Variants in RRN3 observed in about 807,000 individuals in gnomAD.
RRN3 encodes RNA polymerase I transcription factor RRN3.
In RRN3, 38 loss-of-function variants were observed where a neutral mutation model predicts 82.3. The observed-to-expected ratio is 0.46, with a 90% CI of 0.36 to 0.61. The LOEUF (loss-of-function observed/expected upper bound fraction) is 0.61. Ranked by LOEUF, RRN3 falls within the 20% of genes least tolerant of loss-of-function variation. The probability of loss-of-function intolerance (pLI) is 0.00; values close to 1 mark genes in which losing one functional copy is unlikely to be tolerated. For synonymous variants in RRN3, 284 were observed against 284.3 expected, an observed-to-expected ratio of 1.00 and a Z score of 0.01; for missense variants, 726 against 793.1, an observed-to-expected ratio of 0.92 and a Z score of 1.02.
chr16:15,091,233 G>C, intron 3 of RRN3, 82 bp downstream of exon 3: 1 of 1,551,834 alleles, frequency 6.4e-7, no homozygotes, highest in Non-Finnish European at 8.8e-7. Flanking sequence ...AGTTCTGGAG[G>C]ACAGAATGGG....
rs573549874 is a variant in RRN3 at position 15,061,471 on chromosome 16, A to G, written c.*273T>C. 2.6e-6 allele frequency: 1 copy of G among 378,990 alleles called. No homozygotes were observed. The highest frequency in any genetic ancestry group is 3.8e-5 in the East Asian group (1 of 26,076). The allele number at this position is 378,990 out of a possible 1,614,324, so 23.5% of individuals were successfully genotyped here. ...AAAGCTGTTAACACAAAAAATGTAC[A>G]TATTAAACAAGCAAATCCTTCCAAA... is the stretch of plus-strand genomic sequence containing the variant. On this transcript the variant is annotated 3_prime_UTR_variant, in exon 18 of 18. Coordinates refer to ENST00000198767, the MANE Select transcript of RRN3 (RefSeq NM_018427.5).
At position 15,094,060 on chromosome 16, in the gene RRN3, G is replaced by A. The variant is rs1196847455; in HGVS notation, c.89+85C>T. 7 of 1,238,508 alleles carry A rather than the reference G, an allele frequency of 5.7e-6. No homozygotes were observed. In the Admixed American group the frequency reaches 6.0e-5, roughly 11 times the overall value. 76.7% of individuals were successfully genotyped at this position (1,238,508 alleles called of 1,614,324 possible). On this transcript the variant is annotated intron_variant, in intron 1 of 17. Coordinates refer to ENST00000198767, the MANE Select transcript of RRN3 (RefSeq NM_018427.5). ...GCTCCTATCACACGCCATGAGCTTT[G>A]TCCCACATCCTTTCAATCCGCTCCT...
rs546194787 is a variant in RRN3, at chr16:15,094,254, G to C, written c.-21C>G. 3.9e-5 allele frequency: 61 copies of C among 1,547,064 alleles called. No homozygotes were observed. In the East Asian group the frequency reaches 1.5e-3, roughly 37 times the overall value. The stretch of plus-strand genomic sequence containing the variant: ...GCCATTGGGCCGAACTAACGCGACC[G>C]CTGCGCCTCAGGCCGGATGCCCAGC... On this transcript the variant is annotated 5_prime_UTR_variant, in exon 1 of 18. Transcript: ENST00000198767.
At chr16:15,076,697 C>A (rs1362968912) in intron 9 of RRN3, 47 bp from the exon 10 acceptor site, 1 of 1,334,276 alleles carries the variant, frequency 7.5e-7, no homozygotes, top group Non-Finnish European at 1.1e-6. Flanking sequence ...TTAAAAAATA[C>A]AACTATGTTA....
intron 5 of RRN3, 113 bp downstream of exon 5, chr16:15,086,016 T>A (rs113437125): frequency 1.4e-6 from 1 of 740,258 alleles, no homozygotes; most frequent in Non-Finnish European, 2.2e-6. Flanking sequence ...CCAGACCTGG[T>A]GCCAATATGC....
chr16:15,066,989 C>T (rs1430958286), intron 15 of RRN3, among the ~76,000 whole-genome samples: 1 of 151,368 alleles, frequency 6.6e-6, no homozygotes, highest in African/African-American at 2.4e-5. Flanking sequence ...CCAGGGGCAG[C>T]GGCCTCTGCT....
intron 3 of RRN3, among the ~76,000 whole-genome samples, chr16:15,087,123 T>C (rs2045940984): frequency 6.6e-6 from 1 of 152,162 alleles, no homozygotes; most frequent in Non-Finnish European, 1.5e-5. Context: ...ATTATATTCA[T>C]GCATATATAC....
intron 10 of RRN3, among the ~76,000 whole-genome samples, chr16:15,075,385 C>T (rs1384918402): frequency 6.6e-6 from 1 of 151,992 alleles, no homozygotes; most frequent in African/African-American, 2.4e-5. Context: ...CCAGCCTGGG[C>T]AACACAGTGA....
In RRN3 at chr16:15,091,320, T is replaced by C. The variant is rs147017773; in HGVS notation, c.247A>G (p.Ile83Val). Reference sequence around the variant, plus strand: ...TCAAACACAAAATTAATTACCTTTATGTCTGGATCTAACAGCTGGTTCTTC... The same window carrying C: ...TCAAACACAAAATTAATTACCTTTACGTCTGGATCTAACAGCTGGTTCTTC... ...LLKNQLLDPD[I>V]KDDQIINWLL... The change falls in exon 3 of 18, where the codon ATA becomes GTA. Residue 83 changes from isoleucine to valine, a missense_variant. By Grantham distance (29) the Ile-to-Val change is conservative. Around this residue, in one of 4 missense-constraint regions of RRN3, gnomAD observed 344 missense variants for 394.5 expected, o/e 0.87. Transcript: ENST00000198767. 5.1e-5 allele frequency: 82 copies of C among 1,599,830 alleles called. No homozygotes were observed. The highest frequency in any genetic ancestry group is 6.7e-5 in the Non-Finnish European group (78 of 1,171,776).
intron 9 of RRN3, 53 bp downstream of exon 9, chr16:15,079,945 A>G: frequency 6.6e-7 from 1 of 1,503,850 alleles, no homozygotes. Context: ...TACTGTGATT[A>G]TAACAAATTC....
At chr16:15,063,334 T>A (rs767291671) in intron 16 of RRN3, 51 bp from the exon 17 acceptor site, 4 of 1,390,000 alleles carry the variant, frequency 2.9e-6, no homozygotes, top group Non-Finnish European at 4.1e-6. Flanking sequence ...TCGGCAGAAG[T>A]CAAAATTGGT....
chr16:15,067,216 G>C (rs1042605683), intron 15 of RRN3, among the ~76,000 whole-genome samples: 1 of 151,944 alleles, frequency 6.6e-6, no homozygotes, highest in African/African-American at 2.4e-5. Context: ...GCTCTTATCT[G>C]TTGAAGATTT....
At chr16:15,093,002 G>A (rs564872221) in intron 1 of RRN3, among the ~76,000 whole-genome samples, 2 of 151,940 alleles carry the variant, frequency 1.3e-5, no homozygotes, top group South Asian at 2.1e-4. Context: ...AAATCTCTAC[G>A]TGGCTGGATT....
intron 3 of RRN3, among the ~76,000 whole-genome samples, 187 bp downstream of exon 3, chr16:15,091,128 A>G (rs1303049603): frequency 1.3e-5 from 2 of 152,024 alleles, no homozygotes; most frequent in African/African-American, 4.8e-5. Flanking sequence ...TGTGACAAAA[A>G]TATCTGCAGC....
At chr16:15,064,802 C>T (rs1159562568) in intron 16 of RRN3, among the ~76,000 whole-genome samples, 1 of 152,184 alleles carries the variant, frequency 6.6e-6, no homozygotes, top group Non-Finnish European at 1.5e-5. Context: ...TCATCAACAG[C>T]GAGGAAGGGC....
At chr16:15,092,371 G>A (rs544996984) in intron 2 of RRN3, 138 bp downstream of exon 2, 5 of 659,326 alleles carry the variant, frequency 7.6e-6, no homozygotes, top group East Asian at 5.5e-5. Context: ...TTGCACTGAC[G>A]GCATCATGCT....
At chr16:15,069,112 T>C (rs577783837) in intron 14 of RRN3, among the ~76,000 whole-genome samples, 3 of 152,306 alleles carry the variant, frequency 2.0e-5, no homozygotes, top group African/African-American at 4.8e-5. Flanking sequence ...ACATATATAA[T>C]GCAACACATA....
chr16:15,070,346 G>A (rs1398783592), intron 13 of RRN3, 92 bp from the exon 14 acceptor site: 1 of 1,039,532 alleles, frequency 9.6e-7, no homozygotes, highest in Admixed American at 2.7e-5. Context: ...TACAAACCAT[G>A]CTAAGTAAGT....
chr16:15,085,211 G>T (rs1309304730), intron 6 of RRN3, among the ~76,000 whole-genome samples: 1 of 152,170 alleles, frequency 6.6e-6, no homozygotes, highest in African/African-American at 2.4e-5. Flanking sequence ...TATAAATAAT[G>T]CATTCAGGAC....
Sources: gnomAD v4.1 joint callset for allele counts (sites outside exome capture counted in the v4.1 genomes callset) on GRCh38, gnomAD v4.1.1 for gene constraint, gnomAD v4.1.1 regional missense constraint, MANE v1.5 for transcripts, NCBI Gene and HGNC (gene_info 2026-07-23, HGNC 2026-07-21) for gene names.